The following SUPT3H variants were observed in gnomAD, a reference collection of about 807,000 sequenced individuals.
The protein encoded by SUPT3H is SPT3 homolog, SAGA and STAGA complex component.
A neutral mutation model predicts 44.3 loss-of-function variants in SUPT3H; 44 were observed. That is an observed-to-expected ratio of 0.99 (90% confidence interval 0.78 to 1.28). The LOEUF (loss-of-function observed/expected upper bound fraction) is 1.28, where lower values mean the gene tolerates loss of function less well. Ranked by LOEUF, SUPT3H falls within the 50% of genes most tolerant of loss-of-function variation. The probability of loss-of-function intolerance (pLI) is 0.00; values close to 1 mark genes in which losing one functional copy is unlikely to be tolerated. For synonymous variants in SUPT3H, 124 were observed against 125.6 expected, an observed-to-expected ratio of 0.99 and a Z score of 0.09; for missense variants, 380 against 387.1, an observed-to-expected ratio of 0.98 and a Z score of 0.15.
intron 2 of SUPT3H, among the ~76,000 whole-genome samples, chr6:45,263,054 C>T (rs1774648593): frequency 6.6e-6 from 1 of 152,070 alleles, no homozygotes; most frequent in African/African-American, 2.4e-5. Flanking sequence ...GTAAGTTCAG[C>T]CACTGTGGAA....
Position 45,012,778 on chromosome 6 carries a change from T to A in SUPT3H, c.364+2023A>T, listed in dbSNP as rs184723201. ...AAAAGGGACACTTTAGATAATACAG[T>A]GTAGCAAATCTAGACAACTCCCTCC... is the stretch of plus-strand genomic sequence containing the variant. On this transcript the variant is annotated intron_variant, in intron 5 of 10. Coordinates refer to ENST00000371459, the MANE Select transcript of SUPT3H (RefSeq NM_003599.4). Among the ~76,000 whole-genome samples, 25 of 152,214 alleles carry A rather than the reference T, an allele frequency of 1.6e-4. No homozygotes were observed. In the East Asian group the frequency reaches 4.4e-3, roughly 27 times the overall value.
At chr6:45,041,193 T>C (rs572327712) in intron 3 of SUPT3H, among the ~76,000 whole-genome samples, 1 of 152,282 alleles carries the variant, frequency 6.6e-6, no homozygotes, top group Admixed American at 6.5e-5. Flanking sequence ...ATGAAATATT[T>C]ACAAGTCATA....
intron 3 of SUPT3H, among the ~76,000 whole-genome samples, chr6:45,085,339 T>C (rs1406877213): frequency 6.6e-6 from 1 of 152,126 alleles, no homozygotes; most frequent in Admixed American, 6.6e-5. Context: ...CTGGAATTTT[T>C]ATTCAACATA....
At chr6:44,891,891 A>G (rs1763374633) in intron 10 of SUPT3H, among the ~76,000 whole-genome samples, 2 of 152,132 alleles carry the variant, frequency 1.3e-5, no homozygotes, top group African/African-American at 2.4e-5. Context: ...GGTGGTAGGT[A>G]TACAGGTGTT....
intron 3 of SUPT3H, among the ~76,000 whole-genome samples, chr6:45,051,036 C>T (rs1261733443): frequency 6.6e-6 from 1 of 151,900 alleles, no homozygotes. Flanking sequence ...AGGGGCCTGC[C>T]GCCATGCCCA....
chr6:45,213,426 T>C (rs1167636442), intron 2 of SUPT3H, among the ~76,000 whole-genome samples: 1 of 152,120 alleles, frequency 6.6e-6, no homozygotes, highest in Non-Finnish European at 1.5e-5. Flanking sequence ...CAAACATAAA[T>C]GGCCAAAACT....
intron 2 of SUPT3H, among the ~76,000 whole-genome samples, chr6:45,141,770 G>A (rs768977791): frequency 1.6e-4 from 24 of 152,164 alleles, no homozygotes; most frequent in Non-Finnish European, 2.8e-4. Flanking sequence ...GGAGCAGATG[G>A]ATTCACAGAT....
At chr6:44,961,616 C>T (rs1239058236) in intron 7 of SUPT3H, 137 bp downstream of exon 7, 18 of 665,002 alleles carry the variant, frequency 2.7e-5, no homozygotes, top group Middle Eastern at 4.1e-4. Flanking sequence ...ACAATGTAGA[C>T]GTTGTTTGTA....
intron 2 of SUPT3H, among the ~76,000 whole-genome samples, chr6:45,208,723 C>CAAAAAAAAAAAAACAAAAAA (rs1763594280): frequency 1.0e-5 from 1 of 96,792 alleles, no homozygotes; most frequent in Non-Finnish European, 1.9e-5. Flanking sequence ...GACTCTGTCT[C>CAAAAAAAAAAAAACAAAAAA]AAAAAAAAAA....
At chr6:45,145,323 T>C (rs375889783) in intron 2 of SUPT3H, among the ~76,000 whole-genome samples, 1 of 152,032 alleles carries the variant, frequency 6.6e-6, no homozygotes, top group African/African-American at 2.4e-5. Flanking sequence ...AATAGGCACA[T>C]AGAGCAATAG....
intron 10 of SUPT3H, among the ~76,000 whole-genome samples, chr6:44,890,310 A>G (rs879737239): frequency 2.4e-4 from 37 of 151,112 alleles, no homozygotes; most frequent in East Asian, 1.6e-3. Context: ...ACATGCACAC[A>G]TATGTTTATT....
At chr6:44,894,769 A>ATT (rs1763858075) in intron 10 of SUPT3H, among the ~76,000 whole-genome samples, 1 of 151,704 alleles carries the variant, frequency 6.6e-6, no homozygotes, top group African/African-American at 2.4e-5. Flanking sequence ...TAAAATATGT[A>ATT]TTTTGAGAAA....
At chr6:44,980,853 C>A (rs1257618587) in intron 6 of SUPT3H, among the ~76,000 whole-genome samples, 1 of 152,116 alleles carries the variant, frequency 6.6e-6, no homozygotes, top group Non-Finnish European at 1.5e-5. Context: ...AAGGAGAAGG[C>A]AAAGTTAAGT....
chr6:45,279,803 C>A (rs991183421), intron 2 of SUPT3H, among the ~76,000 whole-genome samples: 1 of 152,174 alleles, frequency 6.6e-6, no homozygotes, highest in African/African-American at 2.4e-5. Context: ...ATTGATAGAG[C>A]TGTTATATCC....
At chr6:45,107,505 T>C (rs1302188884) in intron 2 of SUPT3H, among the ~76,000 whole-genome samples, 1 of 151,964 alleles carries the variant, frequency 6.6e-6, no homozygotes, top group African/African-American at 2.4e-5. Context: ...AAGCTTTGAG[T>C]AGGAGAGGAA....
chr6:45,292,140 T>C (rs773504842), intron 2 of SUPT3H, among the ~76,000 whole-genome samples: 11 of 152,234 alleles, frequency 7.2e-5, no homozygotes, highest in East Asian at 5.8e-4. Flanking sequence ...ATCTTCAGTC[T>C]CCTCAAACAA....
intron 11 of SUPT3H, among the ~76,000 whole-genome samples, chr6:44,810,064 G>A (rs1481802417): frequency 6.6e-6 from 1 of 152,200 alleles, no homozygotes; most frequent in African/African-American, 2.4e-5. Flanking sequence ...GGTCCAAACC[G>A]AGTATACTTC....
chr6:45,083,698 C>T lies in SUPT3H; in HGVS notation c.186+22224G>A, dbSNP rs562845775. Reference sequence around the variant, plus strand: ...TCATATACCTGACTTCATAAGGGTACAGTAAAAAAAAAAAAACCAAACACC... The same window carrying T: ...TCATATACCTGACTTCATAAGGGTATAGTAAAAAAAAAAAAACCAAACACC... On this transcript the variant is annotated intron_variant, in intron 3 of 10. Transcript: ENST00000371459. 1.9e-3 allele frequency among the ~76,000 whole-genome samples: 286 copies of T among 147,444 alleles called. 1 individual carries two copies. Among genetic ancestry groups the T allele is most frequent in the African/African-American group, 6.9e-3 (274 of 39,954 alleles).
intron 10 of SUPT3H, among the ~76,000 whole-genome samples, chr6:44,922,031 C>G (rs559145496): frequency 9.8e-5 from 15 of 152,348 alleles, no homozygotes; most frequent in African/African-American, 3.6e-4. Context: ...ATGCCCAGAG[C>G]TGCGAGTGCA....
Sources: gnomAD v4.1 joint callset for allele counts (sites outside exome capture counted in the v4.1 genomes callset) on GRCh38, gnomAD v4.1.1 for gene constraint, MANE v1.5 for transcripts, NCBI Gene and HGNC (gene_info 2026-07-23, HGNC 2026-07-21) for gene names.